Variants in FRMD5 observed in about 807,000 individuals in gnomAD.
FRMD5 encodes the protein FERM domain-containing protein 5.
FRMD5 carries 20 observed loss-of-function variants against 69.0 expected under a neutral mutation model. The observed-to-expected ratio is 0.29, with a 90% CI of 0.20 to 0.42. The LOEUF (loss-of-function observed/expected upper bound fraction) is 0.42, where lower values mean the gene tolerates loss of function less well. FRMD5 is among the 10% of genes least tolerant of loss of function. The probability of loss-of-function intolerance (pLI) is 1.00; values close to 1 mark genes in which losing one functional copy is unlikely to be tolerated. For synonymous variants in FRMD5, 271 were observed against 260.1 expected, an observed-to-expected ratio of 1.04 and a Z score of -0.40; for missense variants, 595 against 708.6, an observed-to-expected ratio of 0.84 and a Z score of 1.82.
At chr15:43,934,127 G>A (rs978768661) in intron 1 of FRMD5, among the ~76,000 whole-genome samples, 3 of 152,176 alleles carry the variant, frequency 2.0e-5, no homozygotes, top group Non-Finnish European at 2.9e-5. Context: ...TCCTTTTCCT[G>A]AGAGAGGATC....
At chr15:44,174,600 C>T (rs1566985608) in intron 1 of FRMD5, among the ~76,000 whole-genome samples, 1 of 152,264 alleles carries the variant, frequency 6.6e-6, no homozygotes, top group South Asian at 2.1e-4. Flanking sequence ...TGAAAAATGA[C>T]TTAGTTTCCA....
intron 1 of FRMD5, among the ~76,000 whole-genome samples, chr15:44,170,535 A>AAG (rs2140527225): frequency 6.6e-6 from 1 of 152,300 alleles, no homozygotes; most frequent in East Asian, 1.9e-4. Context: ...AAAAAAAAAA[A>AAG]AACTTTAAAT....
intron 1 of FRMD5, among the ~76,000 whole-genome samples, chr15:43,940,086 A>C (rs894885059): frequency 6.6e-6 from 1 of 152,208 alleles, no homozygotes; most frequent in African/African-American, 2.4e-5. Flanking sequence ...CTGCGGAGAG[A>C]CAATCACTTG....
chr15:44,000,562 C>T (rs533180582), intron 1 of FRMD5, among the ~76,000 whole-genome samples: 4 of 151,708 alleles, frequency 2.6e-5, no homozygotes, highest in African/African-American at 9.7e-5. Context: ...CGGGTTCAAG[C>T]GATTCTCATG....
At chr15:43,994,773 G>C (rs1207414925) in intron 1 of FRMD5, among the ~76,000 whole-genome samples, 1 of 152,214 alleles carries the variant, frequency 6.6e-6, no homozygotes, top group African/African-American at 2.4e-5. Flanking sequence ...TCATGCTAAA[G>C]ATATAAGTAA....
chr15:44,125,303 T>TTAA (rs765089281), intron 1 of FRMD5, among the ~76,000 whole-genome samples: 224 of 151,640 alleles, frequency 1.5e-3, no homozygotes, highest in Admixed American at 4.3e-3. Flanking sequence ...CCCCCATCTC[T>TTAA]TAATAATAAT....
intron 1 of FRMD5, among the ~76,000 whole-genome samples, chr15:43,948,585 C>A (rs1353068112): frequency 6.6e-6 from 1 of 152,178 alleles, no homozygotes; most frequent in Non-Finnish European, 1.5e-5. Context: ...ACAAGCCTAA[C>A]TTATAAAACA....
chr15:43,999,531 G>A (rs758467307), intron 1 of FRMD5, among the ~76,000 whole-genome samples: 1 of 151,662 alleles, frequency 6.6e-6, no homozygotes, highest in Admixed American at 6.6e-5. Flanking sequence ...CTGTATATTC[G>A]GTCTCCACAA....
At chr15:44,018,275 T>G (rs572897883) in intron 1 of FRMD5, among the ~76,000 whole-genome samples, 274 of 152,356 alleles carry the variant, frequency 1.8e-3, no homozygotes, top group Non-Finnish European at 2.7e-3. Flanking sequence ...AAACTATCAT[T>G]CTTCCTCAAA....
chr15:43,875,153 T>C (rs956195906), intron 13 of FRMD5, among the ~76,000 whole-genome samples: 1 of 151,802 alleles, frequency 6.6e-6, no homozygotes, highest in Admixed American at 6.6e-5. Flanking sequence ...GCAGAGATCG[T>C]GCCACTGCAC....
intron 1 of FRMD5, among the ~76,000 whole-genome samples, chr15:44,060,141 T>C (rs1264312834): frequency 2.0e-5 from 3 of 152,100 alleles, no homozygotes; most frequent in Non-Finnish European, 4.4e-5. Context: ...GGCAGCAAGG[T>C]TGCAAGTAGC....
At chr15:44,090,970 G>C (rs1008241449) in intron 1 of FRMD5, among the ~76,000 whole-genome samples, 8 of 152,198 alleles carry the variant, frequency 5.3e-5, no homozygotes, top group African/African-American at 1.9e-4. Context: ...AACCAGCTTG[G>C]GGACCCTGCA....
intron 1 of FRMD5, among the ~76,000 whole-genome samples, chr15:44,004,118 C>T (rs1315834699): frequency 1.3e-5 from 2 of 152,074 alleles, no homozygotes; most frequent in Non-Finnish European, 2.9e-5. Context: ...GGACCAATAG[C>T]TCTCATATTT....
rs996884311 is a variant in FRMD5, at chr15:44,039,069, C to T, written c.103-114760G>A. On this transcript the variant is annotated intron_variant, in intron 1 of 13. Coordinates refer to ENST00000417257, the MANE Select transcript of FRMD5 (RefSeq NM_032892.5). ...CCCTCACAGTGTAAACAAAGCCTCT[C>T]GTAAGTCTGAACTGGGCGGAGCCCA... 8.2e-4 allele frequency among the ~76,000 whole-genome samples: 125 copies of T among 152,296 alleles called. 1 individual carries two copies. Among genetic ancestry groups the T allele is most frequent in the African/African-American group, 2.9e-3 (120 of 41,580 alleles).
intron 1 of FRMD5, among the ~76,000 whole-genome samples, chr15:44,135,698 A>C (rs1200098094): frequency 6.6e-6 from 1 of 151,664 alleles, no homozygotes; most frequent in African/African-American, 2.4e-5. Context: ...GGTGGTGCAC[A>C]CCTGTAGTCC....
chr15:43,950,091 T>C (rs904402742), intron 1 of FRMD5, among the ~76,000 whole-genome samples: 5 of 152,206 alleles, frequency 3.3e-5, no homozygotes, highest in Non-Finnish European at 5.9e-5. Context: ...ACACTGCATC[T>C]GGGCAGGCTC....
At chr15:44,195,395 TG>T (rs2078276909), upstream of FRMD5, 2 of 330,712 alleles carry the variant, frequency 6.0e-6, no homozygotes, top group Non-Finnish European at 1.1e-5. Context: ...GATAGAGTAC[TG>T]GGATGATGGG....
intron 13 of FRMD5, among the ~76,000 whole-genome samples, chr15:43,881,362 C>T (rs1355627881): frequency 6.6e-6 from 1 of 152,164 alleles, no homozygotes; most frequent in Non-Finnish European, 1.5e-5. Context: ...AGCCAAGGGA[C>T]AGTGAGAGCC....
intron 1 of FRMD5, among the ~76,000 whole-genome samples, chr15:44,192,443 GA>G (rs1566995933): frequency 6.6e-6 from 1 of 152,084 alleles, no homozygotes; most frequent in Non-Finnish European, 1.5e-5. Flanking sequence ...TAAGGAAAAT[GA>G]GTTCAAATTA....
Sources: allele counts gnomAD v4.1 joint callset (sites outside exome capture counted in the v4.1 genomes callset), GRCh38; gene constraint gnomAD v4.1.1; transcripts MANE v1.5; gene names NCBI Gene and HGNC (gene_info 2026-07-23, HGNC 2026-07-21).